FGF3: variants seen among roughly 807,000 people sequenced by gnomAD.
FGF3 encodes the protein FGF-3.
Under a neutral mutation model 9.8 loss-of-function variants are expected in FGF3, and 7 were observed. That is an observed-to-expected ratio of 0.72 (90% CI 0.41 to 1.35). The LOEUF (loss-of-function observed/expected upper bound fraction) is 1.35. Among genes scored for constraint, FGF3 ranks in the 40% most tolerant of loss-of-function variants. The probability of loss-of-function intolerance (pLI) is 0.01; values close to 1 mark genes in which losing one functional copy is unlikely to be tolerated. For synonymous variants in FGF3, 173 were observed against 157.2 expected, an observed-to-expected ratio of 1.10 and a Z score of -0.75; for missense variants, 390 against 345.6, an observed-to-expected ratio of 1.13 and a Z score of -1.02.
rs1856187848 is a variant in FGF3 at position 69,818,811 on chromosome 11, C to T, written c.123G>A (p.Gly41=). 6.7e-7 allele frequency: 1 copy of T among 1,489,848 alleles called. No homozygotes were observed. Among genetic ancestry groups the T allele is most frequent in the African/African-American group, 1.5e-5 (1 of 68,636 alleles). 92.3% of individuals were successfully genotyped at this position (1,489,848 alleles called of 1,614,324 possible). Residue 41 remains glycine (G), a synonymous_variant, in exon 1 of 3, where the codon GGG becomes GGA. Transcript: ENST00000334134. ...GRGGVYEHLG[G]APRRRKLYCA... ...AGTAGAGCTTGCGGCGCCGGGGCGCCCCGCCAAGGTGCTCGTAGACGCCGC... is the reference window on the plus strand; with the variant it reads ...AGTAGAGCTTGCGGCGCCGGGGCGCTCCGCCAAGGTGCTCGTAGACGCCGC...
At chr11:69,810,732 C>T (rs886802725) in intron 2 of FGF3, 32 bp from the exon 3 acceptor site, 10 of 1,527,578 alleles carry the variant, frequency 6.5e-6, no homozygotes, top group Admixed American at 6.0e-5. Flanking sequence ...GTCAGTGCCC[C>T]GGGGAGACTG....
intron 1 of FGF3, among the ~76,000 whole-genome samples, chr11:69,817,928 C>G (rs1554981274): frequency 1.3e-5 from 2 of 152,150 alleles, no homozygotes; most frequent in East Asian, 3.9e-4. Flanking sequence ...CAGCCCGGGC[C>G]GCGGGTCCTG....
At chr11:69,812,837 G>C (rs1856050746) in intron 2 of FGF3, among the ~76,000 whole-genome samples, 1 of 152,142 alleles carries the variant, frequency 6.6e-6, no homozygotes, top group Admixed American at 6.5e-5. Context: ...TTGAGGGGTG[G>C]GTCACTGAAG....
intron 1 of FGF3, among the ~76,000 whole-genome samples, chr11:69,818,429 G>A (rs1423992626): frequency 3.3e-5 from 5 of 152,088 alleles, no homozygotes; most frequent in Admixed American, 3.3e-4. Flanking sequence ...GACAGCCGCC[G>A]GCGCCCTCTT....
intron 2 of FGF3, among the ~76,000 whole-genome samples, chr11:69,814,868 T>G (rs558724362): frequency 1.3e-5 from 2 of 152,328 alleles, no homozygotes; most frequent in South Asian, 4.1e-4. Flanking sequence ...TCTGAACCAC[T>G]GGGACCCCCT....
At chr11:69,810,740 C>T in intron 2 of FGF3, 40 bp from the exon 3 acceptor site, 1 of 1,509,714 alleles carries the variant, frequency 6.6e-7, no homozygotes, top group East Asian at 2.4e-5. Flanking sequence ...CCCGGGGAGA[C>T]TGTGGCAGCG....
chr11:69,811,369 G>A (rs1404821397), intron 2 of FGF3, among the ~76,000 whole-genome samples: 1 of 147,438 alleles, frequency 6.8e-6, no homozygotes, highest in African/African-American at 2.5e-5. Flanking sequence ...AGAATCACTT[G>A]AACCCGGGAG....
chr11:69,815,583 A>T (rs1266653387), intron 2 of FGF3, among the ~76,000 whole-genome samples: 1 of 152,184 alleles, frequency 6.6e-6, no homozygotes, highest in African/African-American at 2.4e-5. Flanking sequence ...CAGGCTACTC[A>T]TGGATGGAAA....
In FGF3 at chr11:69,810,598, C is replaced by T; in HGVS notation, c.427G>A (p.Ala143Thr). Residue 143 changes from alanine (A) to threonine (T), a missense_variant, in exon 3 of 3, where the codon GCC (alanine) becomes ACC (threonine). Ala to Thr is a moderately conservative substitution (Grantham distance 58). Coordinates refer to ENST00000334134, the MANE Select transcript of FGF3 (RefSeq NM_005247.4). ...CTCTCGGCGCTGGGCTGCCGGCGGG[C>T]CCCAGGCGTACTAGACACCGTCCGG... ...LYRTVSSTPG[A>T]RRQPSAERLW... is the part of the protein sequence containing the mutation. The T allele has an allele frequency of 6.2e-7, 1 of 1,611,068 alleles. No individual in the cohort carries two copies. The highest frequency in any genetic ancestry group is 8.5e-7 in the Non-Finnish European group (1 of 1,178,584).
chr11:69,809,994 T>A lies in FGF3; in HGVS notation c.*311A>T, dbSNP rs1855995999. ...AGAATAAAATACTTTAATGTTGTGA[T>A]GACACAAAGCCCCACACTGCCCCGC... On this transcript the variant is annotated 3_prime_UTR_variant, in exon 3 of 3. Transcript: ENST00000334134. The A allele has an allele frequency of 5.4e-6, 2 of 373,442 alleles. No individual in the cohort carries two copies. Among genetic ancestry groups the A allele is most frequent in the African/African-American group, 4.1e-5 (2 of 48,556 alleles). 23.1% of individuals were successfully genotyped at this position (373,442 alleles called of 1,614,324 possible).
chr11:69,810,304 G>A lies in FGF3; in HGVS notation c.*1C>T. On this transcript the variant is annotated 3_prime_UTR_variant, in exon 3 of 3. Transcript: ENST00000334134. ...GCTCTGGCGGTGGCCACCAGGCCCA[G>A]CTAGTGCGCACTGGCCTCCAGCTGG... 6.4e-7 allele frequency: 1 copy of A among 1,560,450 alleles called. No homozygotes were observed. Among genetic ancestry groups the A allele is most frequent in the Non-Finnish European group, 8.7e-7 (1 of 1,147,896 alleles).
rs79472069 is a variant in FGF3 at position 69,810,679 on chromosome 11, C to T, written c.346G>A (p.Glu116Lys). 7.5e-6 allele frequency: 12 copies of T among 1,590,692 alleles called. No homozygotes were observed. In the Admixed American group the frequency reaches 8.5e-5, roughly 11 times the overall value. The change falls in exon 3 of 3, where the codon GAG becomes AAG. Residue 116 changes from glutamate to lysine, a missense_variant. Coordinates refer to ENST00000334134, the MANE Select transcript of FGF3 (RefSeq NM_005247.4). Reference sequence around the variant, plus strand: ...AGCTCGTGGATCCGCTCCACAAACTCGCACTCGGCGCTGTAGTGCTCCTGC... The same window carrying T: ...AGCTCGTGGATCCGCTCCACAAACTTGCACTCGGCGCTGTAGTGCTCCTGC... ...YASEHYSAEC[E>K]FVERIHELGY...
At chr11:69,818,411 C>T (rs967191247) in intron 1 of FGF3, among the ~76,000 whole-genome samples, 53 of 152,234 alleles carry the variant, frequency 3.5e-4, no homozygotes, top group African/African-American at 1.2e-3. Context: ...GGACCGGGGA[C>T]GGACTCTGAC....
In FGF3 at chr11:69,810,359, G is replaced by C. The variant is rs782218095; in HGVS notation, c.666C>G (p.Pro222=). 1 of 1,566,432 alleles carries C rather than the reference G, an allele frequency of 6.4e-7. No individual in the cohort carries two copies. Among genetic ancestry groups the C allele is most frequent in the East Asian group, 2.3e-5 (1 of 43,198 alleles). ...RQKQSPDNLE[P]SHVQASRLGS... ...CCAGTCTCGAAGCCTGAACGTGAGA[G>C]GGCTCCAGGTTATCCGGGCTCTGCT... The change falls in exon 3 of 3, where the codon CCC becomes CCG. Residue 222 remains proline (P), a synonymous_variant. Transcript: ENST00000334134.
intron 2 of FGF3, among the ~76,000 whole-genome samples, chr11:69,814,314 G>C (rs1856093292): frequency 6.6e-6 from 1 of 152,048 alleles, no homozygotes; most frequent in African/African-American, 2.4e-5. Context: ...CTGAGGACTA[G>C]GGATGGACTG....
Position 69,819,123 on chromosome 11 carries a change from G to A in FGF3, c.-190C>T. 2.3e-6 allele frequency: 1 copy of A among 435,350 alleles called. No individual in the cohort carries two copies. Among genetic ancestry groups the A allele is most frequent in the Non-Finnish European group, 4.0e-6 (1 of 248,036 alleles). The allele number at this position is 435,350 out of a possible 1,614,324, so 27.0% of individuals were successfully genotyped here. On this transcript the variant is annotated 5_prime_UTR_variant, in exon 1 of 3. Transcript: ENST00000334134. ...GGCGAGAGAGAGAAAGAGAGGGAGA[G>A]TGGGAGAGGGAGAGGGAGAGAGGGA...
rs1194218833 is a variant in FGF3 at position 69,819,334 on chromosome 11, T to C, written c.-401A>G. On this transcript the variant is annotated 5_prime_UTR_variant, in exon 1 of 3. It removes an upstream start codon present in the reference 5' UTR. Coordinates refer to ENST00000334134, the MANE Select transcript of FGF3 (RefSeq NM_005247.4). ...GGGTTCGGGCCGGGCGCCGTCTGCA[T>C]ACACTCGCCGCCAGCGCACCGCCGT... is the stretch of plus-strand genomic sequence containing the variant. 6.6e-6 allele frequency among the ~76,000 whole-genome samples: 1 copy of C among 150,824 alleles called. No individual in the cohort carries two copies. Among genetic ancestry groups the C allele is most frequent in the Non-Finnish European group, 1.5e-5 (1 of 67,612 alleles).
chr11:69,815,137 AGGTGGATG>A (rs1179038519), intron 2 of FGF3, among the ~76,000 whole-genome samples: 16 of 87,956 alleles, frequency 1.8e-4, no homozygotes, highest in Admixed American at 8.0e-4. Context: ...ATGGATGGAT[AGGTGGATG>A]GGTGGATGGG....
At chr11:69,817,990 C>A (rs1334384756) in intron 1 of FGF3, among the ~76,000 whole-genome samples, 1 of 152,218 alleles carries the variant, frequency 6.6e-6, no homozygotes. Flanking sequence ...GGGCGGACAC[C>A]GTTCCGCGCT....
Sources: allele counts gnomAD v4.1 joint callset (sites outside exome capture counted in the v4.1 genomes callset), GRCh38; gene constraint gnomAD v4.1.1; transcripts MANE v1.5; gene names NCBI Gene and HGNC (gene_info 2026-07-23, HGNC 2026-07-21).